Variants in KALRN observed in about 807,000 individuals in gnomAD.
KALRN encodes kalirin RhoGEF kinase.
KALRN carries 70 observed loss-of-function variants against 353.7 expected under a neutral mutation model. The observed-to-expected ratio is 0.20, with a 90% CI of 0.16 to 0.24. The LOEUF is 0.24. Ranked by LOEUF, KALRN falls within the 10% of genes least tolerant of loss-of-function variation. The pLI is 1.00. For missense variants in KALRN, 2,791 were observed against 3,756.7 expected (o/e 0.74, Z 6.72); for synonymous variants, 1,391 against 1,434.8 (o/e 0.97, Z 0.69).
rs1419202689 is a variant in KALRN at position 124,313,625 on chromosome 3, C to T, written c.1093-12355C>T. 2.0e-5 allele frequency among the ~76,000 whole-genome samples: 3 copies of T among 152,204 alleles called. No homozygotes were observed. The East Asian group carries it at 5.8e-4, about 29-fold the overall frequency. ...ACTCTGGTGAAGCTAGTGCTTGTCT[C>T]TAAGGCAGCAGTCCTGCACTCTGAC... is the stretch of plus-strand genomic sequence containing the variant. On this transcript the variant is annotated intron_variant, in intron 6 of 59. Coordinates refer to ENST00000682506, the MANE Select transcript of KALRN (RefSeq NM_001388419.1).
In KALRN at chr3:124,546,618, C is replaced by T. The variant is rs2069700561; in HGVS notation, c.4936-16225C>T. Reference sequence around the variant, plus strand: ...TACAAAATCAGAATGCCTCCTTCACCATGGAAACCTTGTACCCTCACAATA... The same window carrying T: ...TACAAAATCAGAATGCCTCCTTCACTATGGAAACCTTGTACCCTCACAATA... On this transcript the variant is annotated intron_variant, in intron 33 of 59. Transcript: ENST00000682506. Among the ~76,000 whole-genome samples the T allele has an allele frequency of 2.0e-5, 3 of 152,226 alleles. 1 individual carries two copies. The South Asian group carries it at 6.2e-4, about 32-fold the overall frequency.
At chr3:124,633,062 C>G (rs1219058836) in intron 35 of KALRN, among the ~76,000 whole-genome samples, 1 of 152,196 alleles carries the variant, frequency 6.6e-6, no homozygotes, top group Non-Finnish European at 1.5e-5. Context: ...ATTTTGAAAA[C>G]AGGACTGTGC....
At chr3:124,066,214 TTTTC>T (rs1021388695) in intron 1 of KALRN, among the ~76,000 whole-genome samples, 7 of 152,196 alleles carry the variant, frequency 4.6e-5, no homozygotes, top group Non-Finnish European at 7.3e-5. Context: ...TTATGATTTT[TTTTC>T]TTTCTATGTT....
At chr3:124,285,148 C>A (rs993096814) in intron 5 of KALRN, among the ~76,000 whole-genome samples, 15 of 152,104 alleles carry the variant, frequency 9.9e-5, no homozygotes, top group Admixed American at 6.5e-4. Context: ...CAATCCTGAA[C>A]ATGTAAATAA....
Position 124,654,042 on chromosome 3 carries a change from C to T in KALRN, c.5796-1559C>T, listed in dbSNP as rs1392986304. ...ATAGCCCTCATCTGTCAGCAAATAGCTTAGGATAAAAATATCGCCTGGAGA... is the reference window on the plus strand; with the variant it reads ...ATAGCCCTCATCTGTCAGCAAATAGTTTAGGATAAAAATATCGCCTGGAGA... On this transcript the variant is annotated intron_variant, in intron 38 of 59. Transcript: ENST00000682506. Among the ~76,000 whole-genome samples, 5 of 152,198 alleles carry T rather than the reference C, an allele frequency of 3.3e-5. No homozygotes were observed. The East Asian group carries it at 9.6e-4, about 29-fold the overall frequency.
intron 1 of KALRN, among the ~76,000 whole-genome samples, chr3:124,042,355 T>C (rs967021118): frequency 6.6e-6 from 1 of 152,210 alleles, no homozygotes; most frequent in Admixed American, 6.5e-5. Context: ...CTTTCAGCAG[T>C]TGGCTTTGGG....
Position 124,705,802 on chromosome 3 carries a change from C to CCCTTCCTTCCTTCCTTCCTCCCTT in KALRN, c.8075+3706_8075+3729dup, listed in dbSNP as rs1553740545. On this transcript the variant is annotated intron_variant, in intron 57 of 59. Coordinates refer to ENST00000682506, the MANE Select transcript of KALRN (RefSeq NM_001388419.1). ...TTCATCCAAGAAAAGACTGGTCCCT[C>CCCTTCCTTCCTTCCTTCCTCCCTT]CCTTCCTTCCTTCCTTCCTCCCTTC... Among the ~76,000 whole-genome samples the CCCTTCCTTCCTTCCTTCCTCCCTT allele has an allele frequency of 1.9e-3, 278 of 149,114 alleles. 1 individual carries two copies. The highest frequency in any genetic ancestry group is 3.4e-3 in the Non-Finnish European group (229 of 67,382).
At chr3:124,248,562 G>A (rs1407323631) in intron 3 of KALRN, among the ~76,000 whole-genome samples, 1 of 152,210 alleles carries the variant, frequency 6.6e-6, no homozygotes, top group East Asian at 1.9e-4. Flanking sequence ...CTGGAACTTA[G>A]ATGGGAGCAC....
intron 5 of KALRN, among the ~76,000 whole-genome samples, chr3:124,289,783 A>AT (rs2076269029): frequency 6.6e-6 from 1 of 152,232 alleles, no homozygotes. Context: ...TTAAAATGGA[A>AT]TTAACAATAT....
At chr3:124,557,956 G>A (rs983420301) in intron 33 of KALRN, among the ~76,000 whole-genome samples, 6 of 152,110 alleles carry the variant, frequency 3.9e-5, no homozygotes, top group Non-Finnish European at 8.8e-5. Context: ...GGAATGAAGA[G>A]GCAAGAGTGA....
intron 33 of KALRN, chr3:124,518,574 G>A: frequency 6.2e-7 from 1 of 1,602,234 alleles, no homozygotes; most frequent in Admixed American, 1.7e-5. Context: ...TGGCAGGGCT[G>A]GTGTGGGGTG....
chr3:124,457,409 T>C (rs1328298809), intron 23 of KALRN, among the ~76,000 whole-genome samples: 2 of 152,184 alleles, frequency 1.3e-5, no homozygotes, highest in Admixed American at 6.5e-5. Context: ...ATAGTGTCAC[T>C]AACCTTCTAG....
chr3:124,332,187 C>T (rs1322333754), intron 8 of KALRN, among the ~76,000 whole-genome samples: 2 of 152,178 alleles, frequency 1.3e-5, no homozygotes, highest in African/African-American at 2.4e-5. Flanking sequence ...CTGCTGCACT[C>T]TACCGCAGCA....
chr3:124,466,518 TG>T (rs2060362161), intron 25 of KALRN, among the ~76,000 whole-genome samples: 1 of 152,270 alleles, frequency 6.6e-6, no homozygotes, highest in East Asian at 1.9e-4. Context: ...AACTTTGCTG[TG>T]GACAGCTTTT....
In KALRN at chr3:124,671,661, A is replaced by G. The variant is rs760353556; in HGVS notation, c.6705A>G (p.Ala2235=). The change falls in exon 48 of 60, where the codon GCA becomes GCG. Residue 2235 remains alanine, a splice_region_variant and synonymous_variant. Transcript: ENST00000682506. Reference sequence around the variant, plus strand: ...TAACCACCTGCTCTTATCCCACAGCACTGCAATCGCCCATTGAGTATCAAC... The same window carrying G: ...TAACCACCTGCTCTTATCCCACAGCGCTGCAATCGCCCATTGAGTATCAAC... The part of the protein sequence containing the change: ...VLETQRDFLN[A]LQSPIEYQRK... 5 of 1,609,856 alleles carry G rather than the reference A, an allele frequency of 3.1e-6. No homozygotes were observed. In the South Asian group the frequency reaches 5.5e-5, roughly 18 times the overall value.
At chr3:124,416,865 A>G (rs752887158) in intron 14 of KALRN, among the ~76,000 whole-genome samples, 24 of 152,274 alleles carry the variant, frequency 1.6e-4, no homozygotes, top group Non-Finnish European at 2.6e-4. Context: ...ACAATTAGCA[A>G]TATTAAAACT....
intron 34 of KALRN, among the ~76,000 whole-genome samples, chr3:124,623,038 G>C (rs2079456981): frequency 1.3e-5 from 2 of 151,946 alleles, no homozygotes; most frequent in South Asian, 4.2e-4. Context: ...GGTATATTCA[G>C]TTCCTACCGA....
At chr3:124,190,455 C>T (rs1312509580) in intron 1 of KALRN, among the ~76,000 whole-genome samples, 2 of 152,252 alleles carry the variant, frequency 1.3e-5, no homozygotes, top group Non-Finnish European at 1.5e-5. Flanking sequence ...CCACTGAAGA[C>T]TGCCAGAACA....
rs2062965661 is a variant in KALRN at position 124,712,985 on chromosome 3, A to T, written c.8126A>T (p.Asp2709Val). 1.2e-6 allele frequency: 2 copies of T among 1,614,140 alleles called. No individual in the cohort carries two copies. Among genetic ancestry groups the T allele is most frequent in the Non-Finnish European group, 1.7e-6 (2 of 1,180,012 alleles). Residue 2709 changes from aspartate to valine, a missense_variant, in exon 58 of 60, where the codon GAT (aspartate) becomes GTT (valine). Transcript: ENST00000682506. ...TGCATTCACAAAGCTACCCGCAAAG[A>T]TGTGGCTGTGAAATTTGTTAGCAAA... ...KKCIHKATRK[D>V]VAVKFVSKKM... is the part of the protein sequence containing the mutation.
Sources: allele counts gnomAD v4.1 joint callset (sites outside exome capture counted in the v4.1 genomes callset), GRCh38; gene constraint gnomAD v4.1.1; transcripts MANE v1.5; gene names NCBI Gene and HGNC (gene_info 2026-07-23, HGNC 2026-07-21).